The following CCNY variants were observed in gnomAD, a reference collection of about 807,000 sequenced individuals.
CCNY encodes cyclin-Y.
A neutral mutation model predicts 42.8 loss-of-function variants in CCNY; 19 were observed. The observed-to-expected ratio is 0.44, with a 90% CI of 0.31 to 0.65. CCNY has a LOEUF of 0.65. Ranked by LOEUF, CCNY falls within the 30% of genes least tolerant of loss-of-function variation. CCNY has a pLI of 0.07. For missense variants in CCNY, 370 were observed against 437.3 expected, an observed-to-expected ratio of 0.85 and a Z score of 1.37; for synonymous variants, 165 against 162.7, an observed-to-expected ratio of 1.01 and a Z score of -0.11.
intron 1 of CCNY, among the ~76,000 whole-genome samples, chr10:35,398,848 G>C (rs1837581842): frequency 6.6e-6 from 1 of 152,192 alleles, no homozygotes; most frequent in African/African-American, 2.4e-5. Context: ...GTGAGGGTAA[G>C]ATATTCCCAG....
chr10:35,412,915 T>TG (rs757934408), intron 1 of CCNY, among the ~76,000 whole-genome samples: 163 of 141,104 alleles, frequency 1.2e-3, no homozygotes, highest in Non-Finnish European at 2.2e-3. Context: ...CAAGAGGATG[T>TG]GGATCACGCT....
intron 3 of CCNY, among the ~76,000 whole-genome samples, chr10:35,509,858 G>A (rs1840290066): frequency 6.6e-6 from 1 of 152,204 alleles, no homozygotes; most frequent in Non-Finnish European, 1.5e-5. Context: ...TTAGCTGTGT[G>A]AATAAGGCAA....
At chr10:35,455,976 G>A (rs1480409675) in intron 1 of CCNY, among the ~76,000 whole-genome samples, 1 of 151,850 alleles carries the variant, frequency 6.6e-6, no homozygotes, top group Non-Finnish European at 1.5e-5. Flanking sequence ...GAGCCACCAT[G>A]CCCAGCTTTA....
chr10:35,410,920 G>A (rs1446072892), intron 1 of CCNY, among the ~76,000 whole-genome samples: 1 of 152,202 alleles, frequency 6.6e-6, no homozygotes, highest in East Asian at 1.9e-4. Flanking sequence ...GTTGGATTTG[G>A]GGAAGACTTG....
intron 1 of CCNY, among the ~76,000 whole-genome samples, chr10:35,457,508 A>G (rs1839063013): frequency 6.6e-6 from 1 of 152,192 alleles, no homozygotes; most frequent in African/African-American, 2.4e-5. Flanking sequence ...CAATGGTACC[A>G]TAAAACAGAT....
chr10:35,309,293 C>G (rs928896552), intron 3 of CCNY, among the ~76,000 whole-genome samples: 1 of 152,200 alleles, frequency 6.6e-6, no homozygotes, highest in African/African-American at 2.4e-5. Flanking sequence ...AGCAATCACT[C>G]AGGTCCTGTG....
intron 1 of CCNY, among the ~76,000 whole-genome samples, chr10:35,344,971 A>G (rs1330711741): frequency 2.0e-5 from 3 of 152,192 alleles, no homozygotes; most frequent in East Asian, 1.9e-4. Context: ...AATGCAGTCT[A>G]TCATTGTTGG....
intron 7 of CCNY, among the ~76,000 whole-genome samples, chr10:35,549,746 C>A (rs1841207564): frequency 1.4e-5 from 2 of 141,796 alleles, no homozygotes; most frequent in Non-Finnish European, 3.0e-5. Flanking sequence ...GGCCCATGAC[C>A]CTACAGTGCT....
intron 4 of CCNY, among the ~76,000 whole-genome samples, chr10:35,519,771 CTTTTCTTTTTT>C (rs1240424924): frequency 9.7e-6 from 1 of 103,466 alleles, no homozygotes; most frequent in Admixed American, 9.8e-5. Context: ...TTTTTCTTTT[CTTTTCTTTTTT>C]TTTTTTTTTT....
chr10:35,460,171 C>T, intron 1 of CCNY, among the ~76,000 whole-genome samples: 1 of 152,304 alleles, frequency 6.6e-6, no homozygotes, highest in African/African-American at 2.4e-5. Context: ...CTCCCTGCCG[C>T]TTGGCAGCTG....
At chr10:35,250,457 T>TATCCTCAGA (rs1273595085) in intron 2 of CCNY, 2 of 152,230 alleles carry the variant, frequency 1.3e-5, no homozygotes, top group African/African-American at 2.4e-5. Context: ...GTGGTCCATG[T>TATCCTCAGA]ATCCTCAGAG....
intron 3 of CCNY, among the ~76,000 whole-genome samples, chr10:35,506,751 CTGT>C (rs1296008020): frequency 2.0e-5 from 3 of 152,178 alleles, no homozygotes; most frequent in East Asian, 3.9e-4. Context: ...GGCCACTGAG[CTGT>C]TGTTATGATT....
chr10:35,443,992 C>T (rs906510441), intron 1 of CCNY, among the ~76,000 whole-genome samples: 2 of 152,206 alleles, frequency 1.3e-5, no homozygotes, highest in African/African-American at 4.8e-5. Context: ...ATAAATGACC[C>T]TGTCTCTTTT....
At chr10:35,254,211 C>T (rs548845541) in intron 3 of CCNY, among the ~76,000 whole-genome samples, 1 of 152,160 alleles carries the variant, frequency 6.6e-6, no homozygotes, top group South Asian at 2.1e-4. Flanking sequence ...AGTGAATAGT[C>T]TTATACTAGT....
chr10:35,408,465 T>C (rs565903141), intron 1 of CCNY, among the ~76,000 whole-genome samples: 2 of 151,196 alleles, frequency 1.3e-5, no homozygotes, highest in African/African-American at 2.4e-5. Context: ...TTAAGAGCAA[T>C]GTTTTGGGGG....
chr10:35,571,189 G>C lies in CCNY; in HGVS notation c.*2019G>C, dbSNP rs1841678638. 1 of 152,192 alleles carries C rather than the reference G, an allele frequency of 6.6e-6. No homozygotes were observed. The highest frequency in any genetic ancestry group is 2.4e-5 in the African/African-American group (1 of 41,458). 9.4% of individuals were successfully genotyped at this position (152,192 alleles called of 1,614,324 possible). A position where few individuals can be genotyped will look rare whatever the true frequency, so the allele number is the denominator to read the frequency against. On this transcript the variant is annotated 3_prime_UTR_variant, in exon 10 of 10. Transcript: ENST00000374704. Reference sequence around the variant, plus strand: ...TATTTTACCAATCCATTTCAGGAAAGAGGTTCTGCTGCCGTAAAGGCAGAA... The same window carrying C: ...TATTTTACCAATCCATTTCAGGAAACAGGTTCTGCTGCCGTAAAGGCAGAA...
At chr10:35,442,912 G>A (rs1282862634) in intron 1 of CCNY, among the ~76,000 whole-genome samples, 1 of 152,214 alleles carries the variant, frequency 6.6e-6, no homozygotes, top group East Asian at 1.9e-4. Flanking sequence ...TACTACACAT[G>A]TAGGCTGCAT....
chr10:35,545,653 T>A (rs889633516), intron 7 of CCNY, among the ~76,000 whole-genome samples: 1 of 152,154 alleles, frequency 6.6e-6, no homozygotes, highest in African/African-American at 2.4e-5. Flanking sequence ...CTTCAACATA[T>A]GCATTTTGGA....
intron 2 of CCNY, among the ~76,000 whole-genome samples, chr10:35,486,663 C>A (rs1839794258): frequency 6.6e-6 from 1 of 152,236 alleles, no homozygotes; most frequent in Non-Finnish European, 1.5e-5. Context: ...AAATTTCAAA[C>A]ATCTTAGCAT....
Sources: gnomAD v4.1 joint callset for allele counts (sites outside exome capture counted in the v4.1 genomes callset) on GRCh38, gnomAD v4.1.1 for gene constraint, MANE v1.5 for transcripts, NCBI Gene and HGNC (gene_info 2026-07-23, HGNC 2026-07-21) for gene names.